JMY: variants seen among roughly 807,000 people sequenced by gnomAD.
JMY encodes the protein junction mediating and regulatory protein, p53 cofactor, also known as junction-mediating and -regulatory protein.
JMY carries 46 observed loss-of-function variants against 103.3 expected under a neutral mutation model. That is an observed-to-expected ratio of 0.45 (90% CI 0.35 to 0.57). The LOEUF is 0.57. JMY is among the 20% of genes least tolerant of loss of function. The probability of loss-of-function intolerance (pLI) is 0.00; values close to 1 mark genes in which losing one functional copy is unlikely to be tolerated. For synonymous variants in JMY, 526 were observed against 489.3 expected, an observed-to-expected ratio of 1.07 and a Z score of -0.99; for missense variants, 1,238 against 1,255.2, an observed-to-expected ratio of 0.99 and a Z score of 0.21.
intron 1 of JMY, among the ~76,000 whole-genome samples, chr5:79,270,317 A>T (rs1387767272): frequency 6.9e-6 from 1 of 144,474 alleles, no homozygotes; most frequent in African/African-American, 2.6e-5. Flanking sequence ...TTTAAAATAT[A>T]TATTTACATA....
intron 2 of JMY, chr5:79,285,054 A>C: frequency 1.6e-6 from 1 of 606,122 alleles, no homozygotes; most frequent in East Asian, 2.8e-5. Flanking sequence ...CATCATCTTG[A>C]TCAACCATAA....
Position 79,236,608 on chromosome 5 carries a change from C to T in JMY, c.-43C>T, listed in dbSNP as rs1049005366. On this transcript the variant is annotated 5_prime_UTR_variant, in exon 1 of 11. Transcript: ENST00000396137. ...AGCCAGCGGGGAGTCCTCGGGCGGG[C>T]CGGGCCGGCGGCCCTTCCCCGCGGC... 17 of 1,336,340 alleles carry T rather than the reference C, an allele frequency of 1.3e-5. No homozygotes were observed. Among genetic ancestry groups the T allele is most frequent in the Non-Finnish European group, 1.5e-5 (15 of 1,031,630 alleles). The allele number at this position is 1,336,340 out of a possible 1,614,324, so 82.8% of individuals were successfully genotyped here. A position where few individuals can be genotyped will look rare whatever the true frequency, so the allele number is the denominator to read the frequency against.
Position 79,316,074 on chromosome 5 carries a change from A to T in JMY, c.2734A>T (p.Thr912Ser). 6.2e-7 allele frequency: 1 copy of T among 1,614,126 alleles called. No individual in the cohort carries two copies. The highest frequency in any genetic ancestry group is 8.5e-7 in the Non-Finnish European group (1 of 1,179,984). Residue 912 changes from threonine (T) to serine (S), a missense_variant, in exon 10 of 11, where the codon ACT becomes TCT. By Grantham distance (58) the Thr-to-Ser change is moderately conservative. Coordinates refer to ENST00000396137, the MANE Select transcript of JMY (RefSeq NM_152405.5). The stretch of plus-strand genomic sequence containing the variant: ...TCATCTGAAAAAGGTTGAACAGCGA[A>T]CTCTGCCTCCTTTTCCTGATGAAGA... ...SFHLKKVEQR[T>S]LPPFPDEDDS...
At chr5:79,239,698 C>T (rs1288421500) in intron 1 of JMY, among the ~76,000 whole-genome samples, 1 of 151,590 alleles carries the variant, frequency 6.6e-6, no homozygotes, top group East Asian at 2.0e-4. Context: ...GTAGTCCTAG[C>T]TACTGGGAGG....
At chr5:79,263,396 G>T (rs575207071) in intron 1 of JMY, among the ~76,000 whole-genome samples, 3 of 151,918 alleles carry the variant, frequency 2.0e-5, no homozygotes, top group Non-Finnish European at 2.9e-5. Flanking sequence ...CAGGTTTTTT[G>T]ATTTTTTTTT....
chr5:79,285,776 ATCT>A (rs1450606850), intron 2 of JMY, among the ~76,000 whole-genome samples: 4 of 152,028 alleles, frequency 2.6e-5, no homozygotes, highest in Non-Finnish European at 4.4e-5. Context: ...TTTCCCCCTC[ATCT>A]TCTTCATGAT....
intron 2 of JMY, among the ~76,000 whole-genome samples, chr5:79,282,530 C>G (rs1746148873): frequency 6.6e-6 from 1 of 151,910 alleles, no homozygotes. Context: ...TGATCAGTGC[C>G]TAAAGATATA....
At chr5:79,277,155 A>T (rs1745965293) in intron 1 of JMY, among the ~76,000 whole-genome samples, 1 of 152,176 alleles carries the variant, frequency 6.6e-6, no homozygotes, top group Non-Finnish European at 1.5e-5. Flanking sequence ...TAAATTATTT[A>T]AAAATTGTTT....
At chr5:79,285,053 G>A in intron 2 of JMY, 3 of 605,720 alleles carry the variant, frequency 5.0e-6, no homozygotes, top group Non-Finnish European at 8.7e-6. Context: ...TCATCATCTT[G>A]ATCAACCATA....
At chr5:79,269,981 T>C (rs1233706509) in intron 1 of JMY, among the ~76,000 whole-genome samples, 1 of 152,048 alleles carries the variant, frequency 6.6e-6, no homozygotes, top group African/African-American at 2.4e-5. Context: ...TTCTCCTGCC[T>C]CTGCCTCCCA....
At chr5:79,303,367 G>C (rs1746794399) in intron 6 of JMY, among the ~76,000 whole-genome samples, 1 of 152,174 alleles carries the variant, frequency 6.6e-6, no homozygotes, top group African/African-American at 2.4e-5. Context: ...CCAGCCTGAG[G>C]AGGGTGTTCT....
intron 1 of JMY, among the ~76,000 whole-genome samples, chr5:79,269,740 T>A (rs1840805): frequency 0.56 from 84,320 of 151,570 alleles, 23,726 homozygotes; most frequent in Non-Finnish European, 0.62. Context: ...TTATTTATTT[T>A]TTTTTTTAGA....
Position 79,236,649 on chromosome 5 carries a change from C to T in JMY, c.-2C>T. ...TCCCCGCGGCGAGAAGCCGGAGCCA[C>T]CATGTCGTTCGCGCTGGAGGAGACG... On this transcript the variant is annotated 5_prime_UTR_variant, in exon 1 of 11. Coordinates refer to ENST00000396137, the MANE Select transcript of JMY (RefSeq NM_152405.5). 5.7e-6 allele frequency: 8 copies of T among 1,412,904 alleles called. No individual in the cohort carries two copies. Among genetic ancestry groups the T allele is most frequent in the Non-Finnish European group, 7.5e-6 (8 of 1,070,030 alleles). 87.5% of individuals were successfully genotyped at this position (1,412,904 alleles called of 1,614,324 possible). A position where few individuals can be genotyped will look rare whatever the true frequency, so the allele number is the denominator to read the frequency against.
rs1746219578 is a variant in JMY, at chr5:79,284,731, T to C, written c.1207-5390T>C. 4.4e-6 allele frequency: 7 copies of C among 1,590,946 alleles called. 1 individual carries two copies. Among genetic ancestry groups the C allele is most frequent in the Non-Finnish European group, 6.0e-6 (7 of 1,173,868 alleles). On this transcript the variant is annotated intron_variant, in intron 2 of 10. Coordinates refer to ENST00000396137, the MANE Select transcript of JMY (RefSeq NM_152405.5). ...AAGACTCACTTCAAACACACGACCCTTGAGACCATCAGATGCAATTTTGGT... is the reference window on the plus strand; with the variant it reads ...AAGACTCACTTCAAACACACGACCCCTGAGACCATCAGATGCAATTTTGGT...
intron 1 of JMY, among the ~76,000 whole-genome samples, chr5:79,270,202 A>C (rs1458768448): frequency 6.6e-6 from 1 of 151,350 alleles, no homozygotes; most frequent in Non-Finnish European, 1.5e-5. Context: ...GGAGTAGTAA[A>C]GGGGACATCC....
In JMY at chr5:79,236,731, C is replaced by G; in HGVS notation, c.81C>G (p.His27Gln). Reference protein sequence around the residue: ...RPHVFDEREKHKFVFIVAWNE... With the variant: ...RPHVFDEREKQKFVFIVAWNE... Reference sequence around the variant, plus strand: ...ATGTGTTCGACGAGCGCGAGAAACACAAATTCGTCTTTATTGTGGCCTGGA... The same window carrying G: ...ATGTGTTCGACGAGCGCGAGAAACAGAAATTCGTCTTTATTGTGGCCTGGA... The change falls in exon 1 of 11, where the codon CAC becomes CAG. Residue 27 changes from histidine to glutamine, a missense_variant. Transcript: ENST00000396137. 6.6e-7 allele frequency: 1 copy of G among 1,505,964 alleles called. No homozygotes were observed. The highest frequency in any genetic ancestry group is 8.9e-7 in the Non-Finnish European group (1 of 1,124,992). 93.3% of individuals were successfully genotyped at this position (1,505,964 alleles called of 1,614,324 possible).
intron 1 of JMY, among the ~76,000 whole-genome samples, chr5:79,267,887 T>C (rs1745630724): frequency 6.6e-6 from 1 of 152,160 alleles, no homozygotes; most frequent in South Asian, 2.1e-4. Context: ...CCAACTCATT[T>C]GGATAAATAT....
rs1391123361 is a variant in JMY, at chr5:79,237,004, C to A, written c.354C>A (p.Ser118Arg). The A allele has an allele frequency of 2.7e-6, 4 of 1,478,852 alleles. No individual in the cohort carries two copies. In the African/African-American group the frequency reaches 5.7e-5, roughly 21 times the overall value. The allele number at this position is 1,478,852 out of a possible 1,614,324, so 91.6% of individuals were successfully genotyped here. Residue 118 changes from serine to arginine, a missense_variant, in exon 1 of 11, where the codon AGC becomes AGA. Transcript: ENST00000396137. ...SAWAEGGSPR[S>R]TRSLLGDPRL... is the part of the protein sequence containing the mutation. ...GGGCGGAGGGCGGCTCTCCTCGGAG[C>A]ACTCGCAGCCTTCTGGGGGACCCGC...
At chr5:79,268,189 G>A (rs1745639607) in intron 1 of JMY, among the ~76,000 whole-genome samples, 1 of 152,192 alleles carries the variant, frequency 6.6e-6, no homozygotes, top group Non-Finnish European at 1.5e-5. Flanking sequence ...GCTGCAGGGA[G>A]TTACGAATGT....
Sources: gnomAD v4.1 joint callset for allele counts (sites outside exome capture counted in the v4.1 genomes callset) on GRCh38, gnomAD v4.1.1 for gene constraint, MANE v1.5 for transcripts, NCBI Gene and HGNC (gene_info 2026-07-23, HGNC 2026-07-21) for gene names.